Variants in SMAD5 observed in about 807,000 individuals in gnomAD.
The protein encoded by SMAD5 is SMAD family member 5.
In SMAD5, 9 loss-of-function variants were observed where a neutral mutation model predicts 43.1. The observed-to-expected ratio is 0.21, with a 90% CI of 0.13 to 0.36. SMAD5 has a LOEUF of 0.36. Ranked by LOEUF, SMAD5 falls within the 10% of genes least tolerant of loss-of-function variation. The pLI is 1.00. For synonymous variants in SMAD5, 190 were observed against 192.4 expected, an observed-to-expected ratio of 0.99 and a Z score of 0.10; for missense variants, 348 against 574.0, an observed-to-expected ratio of 0.61 and a Z score of 4.02.
At chr5:136,140,439 T>C (rs1753038565) in intron 1 of SMAD5, among the ~76,000 whole-genome samples, 1 of 152,100 alleles carries the variant, frequency 6.6e-6, no homozygotes, top group Admixed American at 6.5e-5. Flanking sequence ...ACTCCTTACC[T>C]TTTCCCCCTC....
At chr5:136,140,604 CTT>C (rs1179264998) in intron 1 of SMAD5, among the ~76,000 whole-genome samples, 4 of 152,134 alleles carry the variant, frequency 2.6e-5, no homozygotes, top group African/African-American at 4.8e-5. Context: ...TTGGCTCACT[CTT>C]TTATTTCCTT....
intron 1 of SMAD5, among the ~76,000 whole-genome samples, chr5:136,144,156 C>T (rs1020893430): frequency 5.3e-5 from 8 of 152,082 alleles, no homozygotes; most frequent in South Asian, 4.2e-4. Context: ...CGAATTGTCC[C>T]GTGGGTTTCC....
chr5:136,164,836 T>G (rs1753942994), intron 5 of SMAD5, among the ~76,000 whole-genome samples: 1 of 152,194 alleles, frequency 6.6e-6, no homozygotes, highest in Non-Finnish European at 1.5e-5. Context: ...ATTTTAGAAG[T>G]TCTATAGTTT....
chr5:136,166,871 T>A (rs1471513705), intron 5 of SMAD5, among the ~76,000 whole-genome samples: 1 of 152,216 alleles, frequency 6.6e-6, no homozygotes, highest in Non-Finnish European at 1.5e-5. Context: ...ATGTTAGATG[T>A]CCATTGGAAT....
rs117251045 is a variant in SMAD5 at position 136,169,417 on chromosome 5, A to G, written c.776-3017A>G. ...CACCCACAGACACACCCAAGAAACA[A>G]TACTTTGCATCCTTCAATCCAATTA... On this transcript the variant is annotated intron_variant, in intron 5 of 7. Transcript: ENST00000545279. Among the ~76,000 whole-genome samples the G allele has an allele frequency of 1.9e-3, 285 of 152,274 alleles. 3 individuals carry two copies. The East Asian group carries it at 0.03, about 16-fold the overall frequency.
rs1323335908 is a variant in SMAD5, at chr5:136,179,460, C to T, written c.*1980C>T. On this transcript the variant is annotated 3_prime_UTR_variant, in exon 8 of 8. Transcript: ENST00000545279. ...GACTTTCCACTTTGTCCTTTCTGCT[C>T]TTGTGAAGAAAAAAAAAAGCATTTT... The T allele has an allele frequency of 6.6e-6, 1 of 150,546 alleles. No homozygotes were observed. The highest frequency in any genetic ancestry group is 2.5e-5 in the African/African-American group (1 of 40,808). The allele number at this position is 150,546 out of a possible 1,614,324, so 9.3% of individuals were successfully genotyped here.
intron 1 of SMAD5, among the ~76,000 whole-genome samples, chr5:136,142,769 A>G (rs1205330454): frequency 6.6e-6 from 1 of 152,092 alleles, no homozygotes; most frequent in Non-Finnish European, 1.5e-5. Flanking sequence ...TTTAAACTCA[A>G]TTTTAATGCC....
chr5:136,158,600 C>T lies in SMAD5; in HGVS notation c.404-2256C>T, dbSNP rs558627026. 1.4e-4 allele frequency among the ~76,000 whole-genome samples: 21 copies of T among 152,142 alleles called. 1 individual carries two copies. In the East Asian group the frequency reaches 3.7e-3, roughly 27 times the overall value. Reference sequence around the variant, plus strand: ...AGCAGTAACCAATATAGGTTGGAACCAAAAGTTGGAAGATCTGGGCCTGGC... The same window carrying T: ...AGCAGTAACCAATATAGGTTGGAACTAAAAGTTGGAAGATCTGGGCCTGGC... On this transcript the variant is annotated intron_variant, in intron 3 of 7. Coordinates refer to ENST00000545279, the MANE Select transcript of SMAD5 (RefSeq NM_005903.7).
chr5:136,157,209 C>T (rs1165922333), intron 3 of SMAD5, among the ~76,000 whole-genome samples: 2 of 152,040 alleles, frequency 1.3e-5, no homozygotes, highest in Non-Finnish European at 2.9e-5. Flanking sequence ...CATGCTCACA[C>T]AGTTAGAATA....
At chr5:136,156,755 T>G (rs1350486403) in intron 3 of SMAD5, among the ~76,000 whole-genome samples, 2 of 152,228 alleles carry the variant, frequency 1.3e-5, no homozygotes, top group Non-Finnish European at 2.9e-5. Context: ...TAGAAATGTC[T>G]TATTTTTTGT....
intron 1 of SMAD5, among the ~76,000 whole-genome samples, chr5:136,136,260 C>G (rs1000988233): frequency 1.2e-4 from 18 of 152,184 alleles, no homozygotes; most frequent in African/African-American, 4.1e-4. Flanking sequence ...TCACTGCAAC[C>G]TCCGCCTCCC....
chr5:136,161,224 CTCTTTAT>C, intron 4 of SMAD5, 117 bp downstream of exon 4: 1 of 852,156 alleles, frequency 1.2e-6, no homozygotes, highest in East Asian at 2.6e-5. Context: ...CTGTTTCTGA[CTCTTTAT>C]TCTTTAGGTA....
In SMAD5 at chr5:136,177,406, G is replaced by A. The variant is rs1754461166; in HGVS notation, c.1324G>A (p.Gly442Arg). The A allele has an allele frequency of 6.2e-7, 1 of 1,612,180 alleles. No individual in the cohort carries two copies. Among genetic ancestry groups the A allele is most frequent in the Non-Finnish European group, 8.5e-7 (1 of 1,178,528 alleles). The change falls in exon 8 of 8, where the codon GGG (glycine) becomes AGG (arginine). Residue 442 changes from glycine (G) to arginine (R), a missense_variant. By Grantham distance (125) the Gly-to-Arg change is moderately radical (BLOSUM62 -2). Around this residue, in one of 5 missense-constraint regions of SMAD5, gnomAD observed 97 missense variants for 211.8 expected, o/e 0.46. Transcript: ENST00000545279. ...ATGTTGGATTGAGATTCATCTTCAT[G>A]GGCCTCTTCAGTGGCTGGATAAAGT... is the stretch of plus-strand genomic sequence containing the variant. Reference protein sequence around the residue: ...TPCWIEIHLHGPLQWLDKVLT... With the variant: ...TPCWIEIHLHRPLQWLDKVLT...
intron 1 of SMAD5, among the ~76,000 whole-genome samples, chr5:136,144,038 T>C (rs1753180973): frequency 6.6e-6 from 1 of 152,092 alleles, no homozygotes; most frequent in African/African-American, 2.4e-5. Context: ...GCCAAGATAA[T>C]AGCAGATAAT....
chr5:136,139,585 G>A (rs1356449263), intron 1 of SMAD5, among the ~76,000 whole-genome samples: 2 of 152,158 alleles, frequency 1.3e-5, no homozygotes, highest in African/African-American at 4.8e-5. Flanking sequence ...CTGGTTGTAA[G>A]CCATCGTCAT....
intron 4 of SMAD5, 30 bp downstream of exon 4, chr5:136,161,137 A>C (rs1484214401): frequency 6.3e-7 from 1 of 1,594,062 alleles, no homozygotes; most frequent in Non-Finnish European, 8.5e-7. Flanking sequence ...ATACCAAAAA[A>C]AAAAAAATTC....
intron 5 of SMAD5, among the ~76,000 whole-genome samples, chr5:136,164,669 CTT>C (rs1264430484): frequency 2.0e-5 from 3 of 152,014 alleles, no homozygotes; most frequent in Non-Finnish European, 4.4e-5. Flanking sequence ...CTGTGGATTT[CTT>C]TTCATTTTCT....
At chr5:136,172,064 C>G (rs953706314) in intron 5 of SMAD5, among the ~76,000 whole-genome samples, 7 of 152,166 alleles carry the variant, frequency 4.6e-5, no homozygotes, top group African/African-American at 1.7e-4. Flanking sequence ...TGTCTGCAAG[C>G]CAGGAAGCAG....
intron 5 of SMAD5, among the ~76,000 whole-genome samples, chr5:136,166,137 C>T (rs1168291279): frequency 6.6e-6 from 1 of 150,794 alleles, no homozygotes; most frequent in Non-Finnish European, 1.5e-5. Context: ...AGAGATATCT[C>T]ACTGTGGGTT....
Sources: gnomAD v4.1 joint callset for allele counts (sites outside exome capture counted in the v4.1 genomes callset) on GRCh38, gnomAD v4.1.1 for gene constraint, gnomAD v4.1.1 regional missense constraint, MANE v1.5 for transcripts, NCBI Gene and HGNC (gene_info 2026-07-23, HGNC 2026-07-21) for gene names.